PSMC2: variants seen among roughly 807,000 people sequenced by gnomAD.
The protein encoded by PSMC2 is proteasome 26S subunit, ATPase 2.
Under a neutral mutation model 53.3 loss-of-function variants are expected in PSMC2, and 7 were observed. That is an observed-to-expected ratio of 0.13 (90% CI 0.07 to 0.25). The LOEUF is 0.25. Among genes scored for constraint, PSMC2 ranks in the 10% least tolerant of loss-of-function variants. The pLI is 1.00. For synonymous variants in PSMC2, 169 were observed against 183.9 expected, an observed-to-expected ratio of 0.92 and a Z score of 0.66; for missense variants, 241 against 544.0, an observed-to-expected ratio of 0.44 and a Z score of 5.54.
At chr7:103,348,255 A>T (rs964794218) in intron 1 of PSMC2, among the ~76,000 whole-genome samples, 1 of 152,204 alleles carries the variant, frequency 6.6e-6, no homozygotes, top group African/African-American at 2.4e-5. Flanking sequence ...AAAGCCTCGC[A>T]TCCTTGGCCC....
Position 103,364,156 on chromosome 7 carries a change from T to C in PSMC2, c.605T>C (p.Val202Ala). The change falls in exon 8 of 12, where the codon GTG becomes GCG. Residue 202 changes from valine (V) to alanine (A), a missense_variant. Val to Ala is a moderately conservative substitution (Grantham distance 64, BLOSUM62 0). Coordinates refer to ENST00000292644, the MANE Select transcript of PSMC2 (RefSeq NM_002803.4). ...TCTCTATCACAGCCAGAGAGGTTTG[T>C]GAACCTTGGCATTGAGCCTCCCAAG... The part of the protein sequence containing the change: ...ETPLLHPERF[V>A]NLGIEPPKGV... 2 of 1,613,940 alleles carry C rather than the reference T, an allele frequency of 1.2e-6. No homozygotes were observed. The highest frequency in any genetic ancestry group is 1.7e-6 in the Non-Finnish European group (2 of 1,179,970).
intron 1 of PSMC2, among the ~76,000 whole-genome samples, chr7:103,351,945 A>T (rs984148964): frequency 6.0e-5 from 9 of 151,054 alleles, no homozygotes; most frequent in Non-Finnish European, 1.2e-4. Flanking sequence ...TACCATTTTT[A>T]TTTAGGTTCT....
In PSMC2 at chr7:103,368,295, G is replaced by A; in HGVS notation, c.*241G>A. On this transcript the variant is annotated 3_prime_UTR_variant, in exon 12 of 12. Coordinates refer to ENST00000292644, the MANE Select transcript of PSMC2 (RefSeq NM_002803.4). ...GGATTTCACATCATACAAAGCGCTT[G>A]CTTAGATGGCTTCTATCCTAGGCAT... 2.6e-6 allele frequency: 1 copy of A among 381,472 alleles called. No homozygotes were observed. Among genetic ancestry groups the A allele is most frequent in the Non-Finnish European group, 4.7e-6 (1 of 214,170 alleles). The allele number at this position is 381,472 out of a possible 1,614,324, so 23.6% of individuals were successfully genotyped here.
chr7:103,366,478 T>C (rs1820726166), intron 9 of PSMC2, among the ~76,000 whole-genome samples: 1 of 152,246 alleles, frequency 6.6e-6, no homozygotes, highest in Non-Finnish European at 1.5e-5. Flanking sequence ...TGCATTATAC[T>C]GATTGAGTAT....
In PSMC2 at chr7:103,368,323, G is replaced by A; in HGVS notation, c.*269G>A. 3.6e-6 allele frequency: 1 copy of A among 278,026 alleles called. No individual in the cohort carries two copies. Among genetic ancestry groups the A allele is most frequent in the Non-Finnish European group, 6.7e-6 (1 of 150,224 alleles). The allele number at this position is 278,026 out of a possible 1,614,324, so 17.2% of individuals were successfully genotyped here. On this transcript the variant is annotated 3_prime_UTR_variant, in exon 12 of 12. Coordinates refer to ENST00000292644, the MANE Select transcript of PSMC2 (RefSeq NM_002803.4). The stretch of plus-strand genomic sequence containing the variant: ...TAGATGGCTTCTATCCTAGGCATAT[G>A]CTGGCCGGGTGCTCTACATATAAAT...
At chr7:103,363,896 G>A (rs1036360625) in intron 7 of PSMC2, among the ~76,000 whole-genome samples, 4 of 152,130 alleles carry the variant, frequency 2.6e-5, no homozygotes, top group Non-Finnish European at 5.9e-5. Context: ...GATAATGGAA[G>A]TGCTTTTTAA....
chr7:103,364,388 T>C (rs2116248042), intron 8 of PSMC2, 81 bp downstream of exon 8: 7 of 1,495,068 alleles, frequency 4.7e-6, no homozygotes, highest in Non-Finnish European at 6.4e-6. Flanking sequence ...CACTTCTGCA[T>C]TGAGGGATCC....
Position 103,364,130 on chromosome 7 carries a change from GTCTC to G in PSMC2, c.592-11_592-8del. The stretch of plus-strand genomic sequence containing the variant: ...CAGAAGTGGTAAGTGTGAAAATTGT[GTCTC>G]TATCACAGCCAGAGAGGTTTGTGAA... On this transcript the variant is annotated splice_polypyrimidine_tract_variant and intron_variant, in intron 7 of 11. Transcript: ENST00000292644. The G allele has an allele frequency of 1.2e-6, 2 of 1,610,120 alleles. No individual in the cohort carries two copies. The highest frequency in any genetic ancestry group is 1.7e-6 in the Non-Finnish European group (2 of 1,178,424).
chr7:103,352,407 CTTTTT>C (rs781095017), intron 1 of PSMC2, among the ~76,000 whole-genome samples: 1 of 118,720 alleles, frequency 8.4e-6, no homozygotes. Flanking sequence ...AGATTATAAT[CTTTTT>C]TTTTTTTTTT....
upstream of PSMC2, chr7:103,347,586 C>A: frequency 9.5e-7 from 1 of 1,049,374 alleles, no homozygotes; most frequent in South Asian, 1.3e-5. Context: ...GACTCTGAAG[C>A]ACTGCATAAA....
In PSMC2 at chr7:103,366,174, T is replaced by TA; in HGVS notation, c.844+12dup. 1 of 1,559,886 alleles carries TA rather than the reference T, an allele frequency of 6.4e-7. No individual in the cohort carries two copies. Among genetic ancestry groups the TA allele is most frequent in the East Asian group, 2.2e-5 (1 of 44,578 alleles). On this transcript the variant is annotated intron_variant, in intron 9 of 11. Transcript: ENST00000292644. ...TTGATGCTATTGGAGGTGAGAATGA[T>TA]ACGTTAGAGAACTGCTTTAGGATTC... is the stretch of plus-strand genomic sequence containing the variant.
Position 103,362,241 on chromosome 7 carries a change from G to A in PSMC2, c.422+153G>A, listed in dbSNP as rs74805423. ...ACTATAGTTGAAAATTCTGTCTTCT[G>A]CATCTGCTTCCTAACTTCCCATCGG... On this transcript the variant is annotated intron_variant, in intron 5 of 11. Transcript: ENST00000292644. 2.3e-3 allele frequency: 3,236 copies of A among 1,437,034 alleles called. 56 individuals are homozygous for A. In the African/African-American group the frequency reaches 0.043, roughly 19 times the overall value. 89.0% of individuals were successfully genotyped at this position (1,437,034 alleles called of 1,614,324 possible).
intron 4 of PSMC2, among the ~76,000 whole-genome samples, chr7:103,361,104 ACT>A (rs1055361388): frequency 1.1e-4 from 17 of 151,502 alleles, no homozygotes; most frequent in Admixed American, 3.3e-4. Flanking sequence ...CCAGAGCAAG[ACT>A]CTGTCTCAAA....
chr7:103,362,786 G>A (rs201276718), intron 6 of PSMC2, 28 bp downstream of exon 6: 250 of 1,370,512 alleles, frequency 1.8e-4, no homozygotes, highest in Non-Finnish European at 2.4e-4. Flanking sequence ...GGAAAAGGAA[G>A]GCTATGTCTT....
In PSMC2 at chr7:103,347,682, T is replaced by A. The variant is rs1819632879; in HGVS notation, c.-30T>A. ...AGCAAGGAAGGTGCTGTGTAATCAT[T>A]AAGGAGCGGAGGCTTTTGGAGCTGC... On this transcript the variant is annotated 5_prime_UTR_variant, in exon 1 of 12. Coordinates refer to ENST00000292644, the MANE Select transcript of PSMC2 (RefSeq NM_002803.4). 1 of 1,613,320 alleles carries A rather than the reference T, an allele frequency of 6.2e-7. No homozygotes were observed. Among genetic ancestry groups the A allele is most frequent in the Non-Finnish European group, 8.5e-7 (1 of 1,179,456 alleles).
At chr7:103,364,054 C>T (rs1820561098) in intron 7 of PSMC2, 89 bp from the exon 8 acceptor site, 1 of 1,253,154 alleles carries the variant, frequency 8.0e-7, no homozygotes, top group South Asian at 1.5e-5. Context: ...GGATAAAATA[C>T]TAAACATAAA....
rs777928821 is a variant in PSMC2 at position 103,367,620 on chromosome 7, GA to G, written c.1047+9del. 12 of 1,613,190 alleles carry G rather than the reference GA, an allele frequency of 7.4e-6. No homozygotes were observed. Among genetic ancestry groups the G allele is most frequent in the Non-Finnish European group, 1.0e-5 (12 of 1,179,560 alleles). Reference sequence around the variant, plus strand: ...TTTAGCTTGCCCGATCTAGAGGTAAGAAAACCATTTCATTTTAGGAAAGGGA... The same window carrying G: ...TTTAGCTTGCCCGATCTAGAGGTAAGAAACCATTTCATTTTAGGAAAGGGA... On this transcript the variant is annotated splice_donor_region_variant and intron_variant, in intron 10 of 11. Transcript: ENST00000292644. The surrounding 1 kb of genome is among the most constrained non-coding windows in gnomAD (Gnocchi z 6.1).
At chr7:103,353,819 TAAAAC>T (rs1819868257) in intron 1 of PSMC2, 97 bp from the exon 2 acceptor site, 2 of 1,025,002 alleles carry the variant, frequency 2.0e-6, no homozygotes, top group South Asian at 1.4e-5. Flanking sequence ...GACACTCACT[TAAAAC>T]AATTTGAATC....
At chr7:103,348,724 T>G in intron 1 of PSMC2, 1 of 1,563,946 alleles carries the variant, frequency 6.4e-7, no homozygotes, top group South Asian at 1.1e-5. Context: ...GTGCCGCCAG[T>G]GTTTTTGTCA....
Sources: gnomAD v4.1 joint callset for allele counts (sites outside exome capture counted in the v4.1 genomes callset) on GRCh38, gnomAD v4.1.1 for gene constraint, Gnocchi (gnomAD v3.1) non-coding constraint, MANE v1.5 for transcripts, NCBI Gene and HGNC (gene_info 2026-07-23, HGNC 2026-07-21) for gene names.